PKD1: variants seen among roughly 807,000 people sequenced by gnomAD.
PKD1 encodes the protein polycystin 1, transient receptor potential channel interacting, also known as polycystin-1.
PKD1 carries 81 observed loss-of-function variants against 361.7 expected under a neutral mutation model. The ratio of observed to expected loss-of-function variants is 0.22; its 90% CI spans 0.19 to 0.27. The LOEUF is 0.27. Ranked by LOEUF, PKD1 falls within the 10% of genes least tolerant of loss-of-function variation. PKD1 has a pLI of 1.00. For missense variants in PKD1, 6,399 were observed against 6,118.3 expected (o/e 1.05, Z -1.53); for synonymous variants, 3,615 against 2,818.3 (o/e 1.28, Z -8.95).
rs1448885316 is a variant in PKD1 at position 2,090,380 on chromosome 16, G to A, written c.12349C>T (p.Leu4117=). 3.1e-6 allele frequency: 5 copies of A among 1,612,576 alleles called. No homozygotes were observed. The East Asian group carries it at 8.9e-5, about 29-fold the overall frequency. ...RWRYHALRGE[L]YRPAWEPQDY... ...TGGGGCTCCCAGGCCGGCCGGTACA[G>A]CTCTCCACGCAAGGCGTGGTAGCGC... Residue 4117 remains leucine, a synonymous_variant, in exon 45 of 46, where the codon CTG becomes TTG. Coordinates refer to ENST00000262304, the MANE Select transcript of PKD1 (RefSeq NM_001009944.3).
rs370390453 is a variant in PKD1 at position 2,090,411 on chromosome 16, G to C, written c.12318C>G (p.Leu4106=). 5 of 1,612,648 alleles carry C rather than the reference G, an allele frequency of 3.1e-6. No individual in the cohort carries two copies. The highest frequency in any genetic ancestry group is 4.2e-6 in the Non-Finnish European group (5 of 1,179,910). Residue 4106 remains leucine, a synonymous_variant, in exon 45 of 46, where the codon CTC becomes CTG. Transcript: ENST00000262304. ...CACGCAAGGCGTGGTAGCGCCAGCG[G>C]AGAATAACAGCCCCCAGCCGTAGGG... ...WGALRLGAVI[L]RWRYHALRGE... is the part of the protein sequence containing the mutation.
Position 2,109,504 on chromosome 16 carries a change from A to G in PKD1, c.5663T>C (p.Val1888Ala), listed in dbSNP as rs149395356. 2 of 1,610,080 alleles carry G rather than the reference A, an allele frequency of 1.2e-6. No homozygotes were observed. The highest frequency in any genetic ancestry group is 8.5e-7 in the Non-Finnish European group (1 of 1,179,312). ...GCTGCTGGCCCACAGCACCAGGCCC[A>G]CGATGGGCTCCTCCGCCGTGAGGTT... ...TYNLTAEEPI[V>A]GLVLWASSKV... The change falls in exon 15 of 46, where the codon GTG becomes GCG. Residue 1888 changes from valine to alanine, a missense_variant. By Grantham distance (64) the Val-to-Ala change is moderately conservative. Transcript: ENST00000262304.
intron 1 of PKD1, among the ~76,000 whole-genome samples, chr16:2,123,815 G>A (rs185033907): frequency 1.1e-3 from 163 of 152,312 alleles, no homozygotes; most frequent in Middle Eastern, 6.8e-3. Context: ...CTGGAAGGGT[G>A]GGAGCCAGGT....
At chr16:2,135,337 C>T (rs1181322635) in intron 1 of PKD1, 138 bp downstream of exon 1, 7 of 1,074,340 alleles carry the variant, frequency 6.5e-6, no homozygotes, top group Middle Eastern at 8.4e-4. Flanking sequence ...CCTTATTTAG[C>T]AGGGCCGCCG....
Position 2,109,720 on chromosome 16 carries a change from A to T in PKD1, c.5447T>A (p.Phe1816Tyr), listed in dbSNP as rs528574352. 1 of 1,606,172 alleles carries T rather than the reference A, an allele frequency of 6.2e-7. No homozygotes were observed. The highest frequency in any genetic ancestry group is 1.1e-5 in the South Asian group (1 of 90,334). The change falls in exon 15 of 46, where the codon TTC becomes TAC. Residue 1816 changes from phenylalanine (F) to tyrosine (Y), a missense_variant. Transcript: ENST00000262304. ...GGGCACAGAGGACCCGGCCGCCACGAAGCTGCCTCCGGGCTCGCTGGCCCT... is the reference window on the plus strand; with the variant it reads ...GGGCACAGAGGACCCGGCCGCCACGTAGCTGCCTCCGGGCTCGCTGGCCCT... ...SIRASEPGGS[F>Y]VAAGSSVPFW...
intron 16 of PKD1, chr16:2,107,680 G>A (rs2092390963): frequency 9.4e-6 from 6 of 640,902 alleles, no homozygotes; most frequent in East Asian, 2.8e-5. Flanking sequence ...TAGAGCATAT[G>A]TGGCTTGAAG....
Position 2,102,915 on chromosome 16 carries a change from C to A in PKD1, c.8847G>T (p.Glu2949Asp). The A allele has an allele frequency of 1.2e-6, 2 of 1,609,568 alleles. No homozygotes were observed. Among genetic ancestry groups the A allele is most frequent in the South Asian group, 1.1e-5 (1 of 90,990 alleles). ...AGCAGTTGTGCTCATTGGGCCGGGG[C>A]TCCGAGTGTAGGTAGACTGCCAGGT... is the stretch of plus-strand genomic sequence containing the variant. Reference protein sequence around the residue: ...EPYLAVYLHSEPRPNEHNCSA... With the variant: ...EPYLAVYLHSDPRPNEHNCSA... Residue 2949 changes from glutamate to aspartate, a missense_variant, in exon 24 of 46, where the codon GAG (glutamate) becomes GAT (aspartate). Glu to Asp is a conservative substitution (Grantham distance 45). Transcript: ENST00000262304.
In PKD1 at chr16:2,107,106, C is replaced by A. The variant is rs554808396; in HGVS notation, c.7066-158G>T. Reference sequence around the variant, plus strand: ...CTCCCAGGATACTCATCCGGTTTGCCACCTTCCAACTTGGACGGCGGAAGG... The same window carrying A: ...CTCCCAGGATACTCATCCGGTTTGCAACCTTCCAACTTGGACGGCGGAAGG... On this transcript the variant is annotated intron_variant, in intron 16 of 45. Transcript: ENST00000262304. 221 of 726,748 alleles carry A rather than the reference C, an allele frequency of 3.0e-4. 1 individual carries two copies. Among genetic ancestry groups the A allele is most frequent in the South Asian group, 1.8e-3 (120 of 66,542 alleles). 45.0% of individuals were successfully genotyped at this position (726,748 alleles called of 1,614,324 possible).
chr16:2,118,288 G>T lies in PKD1; in HGVS notation c.704C>A (p.Ala235Asp), dbSNP rs557462067. The T allele has an allele frequency of 2.0e-6, 3 of 1,530,536 alleles. No homozygotes were observed. The highest frequency in any genetic ancestry group is 3.9e-5 in the Admixed American group (2 of 51,008). The allele number at this position is 1,530,536 out of a possible 1,614,324, so 94.8% of individuals were successfully genotyped here. A position where few individuals can be genotyped will look rare whatever the true frequency, so the allele number is the denominator to read the frequency against. The change falls in exon 5 of 46, where the codon GCC (alanine) becomes GAC (aspartate). Residue 235 changes from alanine to aspartate, a missense_variant. Transcript: ENST00000262304. This position sits in a 1 kb window ranked among gnomAD's most constrained non-coding sequence, Gnocchi z 6.0. ...GGCAAAGGAGGCACTGGAGGGCTGG[G>T]CCGCCCCACACAGGCACCAGCCCTG... ...SEQGWCLCGA[A>D]QPSSASFACL...
rs1289288936 is a variant in PKD1 at position 2,111,240 on chromosome 16, A to G, written c.3927T>C (p.Pro1309=). The G allele has an allele frequency of 6.2e-7, 1 of 1,610,850 alleles. No individual in the cohort carries two copies. Among genetic ancestry groups the G allele is most frequent in the Middle Eastern group, 1.9e-4 (1 of 5,354 alleles). ...TGACGTAGGCCGTGAGCCGCGCGTC[A>G]GGCTGCGTGGGGATGCAGGCGGCGG... is the stretch of plus-strand genomic sequence containing the variant. The part of the protein sequence containing the change: ...VEPAACIPTQ[P]DARLTAYVTG... Residue 1309 remains proline, a synonymous_variant, in exon 15 of 46, where the codon CCT becomes CCC. Transcript: ENST00000262304.
rs2092460855 is a variant in PKD1 at position 2,110,120 on chromosome 16, A to C, written c.5047T>G (p.Phe1683Val). 1 of 1,609,566 alleles carries C rather than the reference A, an allele frequency of 6.2e-7. No individual in the cohort carries two copies. The highest frequency in any genetic ancestry group is 1.1e-5 in the South Asian group (1 of 90,856). ...CCGGCCTCGAGCACGGTGAGCGAGA[A>C]GCCTTTGCCGCTGCCGGCCAGGGCC... ...GPALAGSGKG[F>V]SLTVLEAGTY... The change falls in exon 15 of 46, where the codon TTC (phenylalanine) becomes GTC (valine). Residue 1683 changes from phenylalanine to valine, a missense_variant. Coordinates refer to ENST00000262304, the MANE Select transcript of PKD1 (RefSeq NM_001009944.3).
chr16:2,128,821 C>G (rs2092830753), intron 1 of PKD1, among the ~76,000 whole-genome samples: 2 of 152,162 alleles, frequency 1.3e-5, no homozygotes, highest in Non-Finnish European at 2.9e-5. Context: ...TCTCCTGCCT[C>G]AGCCCCCAAA....
At position 2,114,595 on chromosome 16, in the gene PKD1, T is replaced by C. The variant is rs769294896; in HGVS notation, c.2428A>G (p.Asn810Asp). The change falls in exon 11 of 46, where the codon AAC (asparagine) becomes GAC (aspartate). Residue 810 changes from asparagine (N) to aspartate (D), a missense_variant. Physicochemically the swap from Asn to Asp is conservative, Grantham distance 23 (BLOSUM62 1). Transcript: ENST00000262304. ...AEVGNGVSRH[N>D]LSCSFDVVSP... Reference sequence around the variant, plus strand: ...ACCACGTCAAAGCTGCAGGAGAGGTTGTGCCTGGACACGCCATTGCCCACC... The same window carrying C: ...ACCACGTCAAAGCTGCAGGAGAGGTCGTGCCTGGACACGCCATTGCCCACC... The C allele has an allele frequency of 6.9e-6, 11 of 1,591,576 alleles. No individual in the cohort carries two copies. The highest frequency in any genetic ancestry group is 1.3e-5 in the African/African-American group (1 of 74,716).
intron 34 of PKD1, chr16:2,094,572 C>CATCT: frequency 2.7e-6 from 1 of 375,776 alleles, no homozygotes; most frequent in East Asian, 6.2e-5. Flanking sequence ...ATCCAACAAG[C>CATCT]ATCTCTACAA....
At chr16:2,092,748 G>T in intron 38 of PKD1, 156 bp from the exon 39 acceptor site, 1 of 833,502 alleles carries the variant, frequency 1.2e-6, no homozygotes, top group South Asian at 1.4e-5. Context: ...TTCTGGGGCA[G>T]ACAGTTGTCT....
chr16:2,100,643 C>T lies in PKD1; in HGVS notation c.9398-77G>A, dbSNP rs2092058280. On this transcript the variant is annotated intron_variant, in intron 26 of 45. Coordinates refer to ENST00000262304, the MANE Select transcript of PKD1 (RefSeq NM_001009944.3). This position sits in a 1 kb window ranked among gnomAD's most constrained non-coding sequence, Gnocchi z 4.4. Reference sequence around the variant, plus strand: ...TGGCATCCCAGGCAAGTCATCTCAGCTTTGGCCTGTGCGCACTCAAGGAGC... The same window carrying T: ...TGGCATCCCAGGCAAGTCATCTCAGTTTTGGCCTGTGCGCACTCAAGGAGC... 1.5e-6 allele frequency: 2 copies of T among 1,331,052 alleles called. No homozygotes were observed. The highest frequency in any genetic ancestry group is 2.3e-5 in the East Asian group (1 of 43,158). 82.5% of individuals were successfully genotyped at this position (1,331,052 alleles called of 1,614,324 possible).
chr16:2,125,750 G>C (rs1474378882), intron 1 of PKD1, among the ~76,000 whole-genome samples: 1 of 151,898 alleles, frequency 6.6e-6, no homozygotes, highest in Non-Finnish European at 1.5e-5. Context: ...TTCAAGGGGA[G>C]AATGAGGGCC....
At chr16:2,095,695 C>G (rs548768169) in intron 34 of PKD1, among the ~76,000 whole-genome samples, 1 of 152,266 alleles carries the variant, frequency 6.6e-6, no homozygotes, top group Non-Finnish European at 1.5e-5. Context: ...AAACCCAAGC[C>G]TCCGACCTGG....
In PKD1 at chr16:2,115,771, T is replaced by G. The variant is rs1218728861; in HGVS notation, c.1850-146A>C. The stretch of plus-strand genomic sequence containing the variant: ...CACTCCCAGCCCAGTGCTGCGTCCG[T>G]CTCCGGCCAGCCGACTGACCCAGGC... On this transcript the variant is annotated intron_variant, in intron 9 of 45. Transcript: ENST00000262304. The G allele has an allele frequency of 9.7e-6, 10 of 1,025,672 alleles. No individual in the cohort carries two copies. In the Admixed American group the frequency reaches 1.8e-4, roughly 18 times the overall value. The allele number at this position is 1,025,672 out of a possible 1,614,324, so 63.5% of individuals were successfully genotyped here.
Sources: allele counts gnomAD v4.1 joint callset (sites outside exome capture counted in the v4.1 genomes callset), GRCh38; gene constraint gnomAD v4.1.1; non-coding constraint Gnocchi (gnomAD v3.1); transcripts MANE v1.5; gene names NCBI Gene and HGNC (gene_info 2026-07-23, HGNC 2026-07-21).